The following CCNJL variants were observed in gnomAD, a reference collection of about 807,000 sequenced individuals.
CCNJL encodes cyclin J like, also known as cyclin-J-like protein.
A neutral mutation model predicts 33.4 loss-of-function variants in CCNJL; 33 were observed. The ratio of observed to expected loss-of-function variants is 0.99; its 90% CI spans 0.75 to 1.32. The LOEUF is 1.32. Among genes scored for constraint, CCNJL ranks in the 40% most tolerant of loss-of-function variants. CCNJL has a pLI of 0.00. For synonymous variants in CCNJL, 227 were observed against 220.9 expected, an observed-to-expected ratio of 1.03 and a Z score of -0.24; for missense variants, 512 against 499.7, an observed-to-expected ratio of 1.02 and a Z score of -0.23.
Position 160,250,621 on chromosome 5 carries a change from C to T in CCNJL, c.*2757G>A, listed in dbSNP as rs1014598823. 1 of 152,186 alleles carries T rather than the reference C, an allele frequency of 6.6e-6. No homozygotes were observed. 9.4% of individuals were successfully genotyped at this position (152,186 alleles called of 1,614,324 possible). A position where few individuals can be genotyped will look rare whatever the true frequency, so the allele number is the denominator to read the frequency against. The stretch of plus-strand genomic sequence containing the variant: ...GTGAGACTCCCTTCAAGGAGGAGTA[C>T]GAATCTGACATTTTTCATAACAGCT... On this transcript the variant is annotated 3_prime_UTR_variant, in exon 6 of 6. Coordinates refer to ENST00000257536, the MANE Select transcript of CCNJL (RefSeq NM_001308173.3).
At chr5:160,297,880 G>A (rs1208719580) in intron 2 of CCNJL, among the ~76,000 whole-genome samples, 5 of 152,246 alleles carry the variant, frequency 3.3e-5, no homozygotes, top group South Asian at 4.2e-4. Context: ...AGGAGAGACC[G>A]AAGAGAAATT....
chr5:160,272,857 C>T (rs1404624789), intron 3 of CCNJL, among the ~76,000 whole-genome samples: 1 of 152,060 alleles, frequency 6.6e-6, no homozygotes, highest in East Asian at 1.9e-4. Context: ...CAGACAGACT[C>T]ATGTAAGTTT....
At chr5:160,258,456 C>T (rs1761168413) in intron 4 of CCNJL, 2 of 1,119,200 alleles carry the variant, frequency 1.8e-6, no homozygotes, top group Admixed American at 3.4e-5. Flanking sequence ...GGGCACTGGA[C>T]CTGTCCATGA....
intron 3 of CCNJL, among the ~76,000 whole-genome samples, chr5:160,278,999 CA>C (rs1231321969): frequency 6.6e-6 from 1 of 152,160 alleles, no homozygotes; most frequent in Non-Finnish European, 1.5e-5. Context: ...GAAAAATCAC[CA>C]AATGTGGGGC....
intron 3 of CCNJL, among the ~76,000 whole-genome samples, chr5:160,260,867 C>T (rs949204194): frequency 1.3e-5 from 2 of 152,208 alleles, no homozygotes; most frequent in Non-Finnish European, 1.5e-5. Context: ...AGACGCCCTC[C>T]ACACCAGCCC....
chr5:160,263,227 G>A (rs1761424465), intron 3 of CCNJL, among the ~76,000 whole-genome samples: 1 of 152,130 alleles, frequency 6.6e-6, no homozygotes. Flanking sequence ...ATGCCACCCC[G>A]AACACTTCAG....
intron 4 of CCNJL, chr5:160,258,217 T>A (rs1580945029): frequency 1.9e-5 from 8 of 415,854 alleles, no homozygotes; most frequent in East Asian, 1.8e-4. Context: ...TCAACAGTAT[T>A]TTTTTTTTTT....
At chr5:160,273,705 G>A (rs1248130211) in intron 3 of CCNJL, among the ~76,000 whole-genome samples, 1 of 136,234 alleles carries the variant, frequency 7.3e-6, no homozygotes, top group Non-Finnish European at 1.5e-5. Flanking sequence ...GTGGTACAGT[G>A]GCGCGATCTT....
At chr5:160,287,848 G>A (rs1386350849) in intron 2 of CCNJL, among the ~76,000 whole-genome samples, 3 of 152,190 alleles carry the variant, frequency 2.0e-5, no homozygotes, top group African/African-American at 4.8e-5. Flanking sequence ...AGGGCCACAG[G>A]CGGTGAGAGT....
intron 1 of CCNJL, among the ~76,000 whole-genome samples, chr5:160,338,156 G>A (rs1363605993): frequency 6.6e-6 from 1 of 152,212 alleles, no homozygotes; most frequent in South Asian, 2.1e-4. Context: ...CAGCACTTTG[G>A]GAGGCCAAGG....
In CCNJL at chr5:160,253,609, G is replaced by C; in HGVS notation, c.933C>G (p.Asp311Glu). ...TCCCTGAACGGTGGGCCTGCAAGGA[G>C]TCCCGATAGGCCAAGCATAGGTCCT... ...PVQDLCLAYR[D>E]SLQAHRSGSL... The change falls in exon 6 of 6, where the codon GAC becomes GAG. Residue 311 changes from aspartate to glutamate, a missense_variant. Coordinates refer to ENST00000257536, the MANE Select transcript of CCNJL (RefSeq NM_001308173.3). The C allele has an allele frequency of 6.2e-7, 1 of 1,613,692 alleles. No homozygotes were observed.
intron 1 of CCNJL, chr5:160,339,439 A>G: frequency 2.2e-6 from 1 of 445,132 alleles, no homozygotes; most frequent in Admixed American, 2.4e-5. Flanking sequence ...ATTAAGATTT[A>G]CTTACTCCTC....
chr5:160,280,955 G>T lies in CCNJL; in HGVS notation c.67-217C>A, dbSNP rs546111965. On this transcript the variant is annotated intron_variant, in intron 2 of 5. Transcript: ENST00000257536. ...CTCATAAAGTATCAAGGACCTAGAG[G>T]ATGACAGAGGAAGCCAGTCATTCCT... The T allele has an allele frequency of 6.1e-5, 40 of 650,662 alleles. 1 individual carries two copies. In the Admixed American group the frequency reaches 9.3e-4, roughly 15 times the overall value. The allele number at this position is 650,662 out of a possible 1,614,324, so 40.3% of individuals were successfully genotyped here.
At chr5:160,326,612 A>G (rs1430347132) in intron 1 of CCNJL, 3 of 606,322 alleles carry the variant, frequency 4.9e-6, no homozygotes, top group Non-Finnish European at 9.4e-6. Context: ...GTCCTCAGTA[A>G]CTATAGCTAC....
intron 3 of CCNJL, among the ~76,000 whole-genome samples, chr5:160,264,303 C>T (rs1761480178): frequency 2.6e-5 from 4 of 152,258 alleles, no homozygotes; most frequent in South Asian, 4.2e-4. Flanking sequence ...GCTAGGCAGA[C>T]GCACGTGTAC....
intron 1 of CCNJL, among the ~76,000 whole-genome samples, chr5:160,330,932 C>A (rs949264747): frequency 2.0e-5 from 3 of 152,088 alleles, no homozygotes; most frequent in African/African-American, 7.2e-5. Context: ...GGATTATAGG[C>A]GTGAGCCACT....
chr5:160,331,063 T>C (rs1763601084), intron 1 of CCNJL, among the ~76,000 whole-genome samples: 1 of 152,142 alleles, frequency 6.6e-6, no homozygotes, highest in Non-Finnish European at 1.5e-5. Flanking sequence ...TCACCTCAGC[T>C]GTTCCTTGTG....
At chr5:160,325,969 G>A (rs1045466650) in intron 1 of CCNJL, among the ~76,000 whole-genome samples, 2 of 152,148 alleles carry the variant, frequency 1.3e-5, no homozygotes, top group South Asian at 2.1e-4. Context: ...GGCCTAGAAA[G>A]CCTATTTGCT....
chr5:160,252,840 C>G lies in CCNJL; in HGVS notation c.*538G>C, dbSNP rs1187586849. ...AGGTTCGAAAACAAAGGCAAGACAG[C>G]CACCCACTGTGCCTCGCAAGGCAAA... On this transcript the variant is annotated 3_prime_UTR_variant, in exon 6 of 6. Coordinates refer to ENST00000257536, the MANE Select transcript of CCNJL (RefSeq NM_001308173.3). The G allele has an allele frequency of 6.5e-6, 1 of 152,982 alleles. No individual in the cohort carries two copies. Among genetic ancestry groups the G allele is most frequent in the Admixed American group, 6.5e-5 (1 of 15,284 alleles). 9.5% of individuals were successfully genotyped at this position (152,982 alleles called of 1,614,324 possible). A position where few individuals can be genotyped will look rare whatever the true frequency, so the allele number is the denominator to read the frequency against.
Sources: gnomAD v4.1 joint callset for allele counts (sites outside exome capture counted in the v4.1 genomes callset) on GRCh38, gnomAD v4.1.1 for gene constraint, MANE v1.5 for transcripts, NCBI Gene and HGNC (gene_info 2026-07-23, HGNC 2026-07-21) for gene names.